SDK2: variants seen among roughly 807,000 people sequenced by gnomAD.
The protein encoded by SDK2 is protein sidekick-2.
In SDK2, 105 loss-of-function variants were observed where a neutral mutation model predicts 253.9. The observed-to-expected ratio is 0.41, with a 90% CI of 0.35 to 0.49. SDK2 has a LOEUF of 0.49. Ranked by LOEUF, SDK2 falls within the 20% of genes least tolerant of loss-of-function variation. The pLI is 0.06. For missense variants in SDK2, 2,608 were observed against 3,003.0 expected, an observed-to-expected ratio of 0.87 and a Z score of 3.07; for synonymous variants, 1,249 against 1,234.9, an observed-to-expected ratio of 1.01 and a Z score of -0.24.
intron 3 of SDK2, among the ~76,000 whole-genome samples, chr17:73,463,930 G>A (rs550385061): frequency 2.6e-5 from 4 of 152,270 alleles, no homozygotes; most frequent in South Asian, 2.1e-4. Flanking sequence ...TACTAATAAC[G>A]TTTGCATAAA....
chr17:73,502,931 C>CG (rs35718352), intron 2 of SDK2, among the ~76,000 whole-genome samples: 1 of 152,166 alleles, frequency 6.6e-6, no homozygotes, highest in Non-Finnish European at 1.5e-5. Flanking sequence ...TCACCAATAA[C>CG]GGGGCAAATT....
chr17:73,524,103 C>T (rs554718653), intron 1 of SDK2, among the ~76,000 whole-genome samples: 1 of 152,332 alleles, frequency 6.6e-6, no homozygotes, highest in South Asian at 2.1e-4. Context: ...CTGGCTACTT[C>T]TCCATGCTTG....
chr17:73,644,424 G>A lies in SDK2; in HGVS notation c.-336C>T, dbSNP rs1025581837. On this transcript the variant is annotated 5_prime_UTR_variant, in exon 1 of 45. Coordinates refer to ENST00000392650, the MANE Select transcript of SDK2 (RefSeq NM_001144952.2). This position sits in a 1 kb window ranked among gnomAD's most constrained non-coding sequence, Gnocchi z 6.3. Reference sequence around the variant, plus strand: ...AGGGCGGCCTCTGCGATCCGGCCGGGTCGCCGGCCGAGCTCCGGAATAAAT... The same window carrying A: ...AGGGCGGCCTCTGCGATCCGGCCGGATCGCCGGCCGAGCTCCGGAATAAAT... 3.3e-5 allele frequency among the ~76,000 whole-genome samples: 5 copies of A among 152,078 alleles called. No homozygotes were observed. Among genetic ancestry groups the A allele is most frequent in the Non-Finnish European group, 5.9e-5 (4 of 67,998 alleles).
At chr17:73,415,375 C>T (rs1265844552) in intron 17 of SDK2, among the ~76,000 whole-genome samples, 1 of 122,538 alleles carries the variant, frequency 8.2e-6, no homozygotes, top group Admixed American at 9.0e-5. Context: ...TTTTTTGAGA[C>T]AGAGTCTCAC....
At chr17:73,475,069 C>G (rs1038381406) in intron 2 of SDK2, among the ~76,000 whole-genome samples, 1 of 152,150 alleles carries the variant, frequency 6.6e-6, no homozygotes, top group African/African-American at 2.4e-5. Flanking sequence ...ATTGGTCCAG[C>G]CTTTGGGAAA....
At chr17:73,584,136 C>G (rs1412693780) in intron 1 of SDK2, among the ~76,000 whole-genome samples, 2 of 152,206 alleles carry the variant, frequency 1.3e-5, no homozygotes, top group Non-Finnish European at 2.9e-5. Flanking sequence ...CCCAGGCAGG[C>G]AAAACACCTC....
chr17:73,483,479 T>TGTGTG (rs2063740267), intron 2 of SDK2, among the ~76,000 whole-genome samples: 1 of 127,674 alleles, frequency 7.8e-6, no homozygotes, highest in East Asian at 2.2e-4. Flanking sequence ...TGGCTAATCT[T>TGTGTG]TGTGTGTGTG....
chr17:73,472,921 C>T (rs2063662541), intron 2 of SDK2, among the ~76,000 whole-genome samples: 1 of 152,214 alleles, frequency 6.6e-6, no homozygotes, highest in Non-Finnish European at 1.5e-5. Flanking sequence ...ATGTGATTTG[C>T]TCCTCCTTGC....
intron 1 of SDK2, among the ~76,000 whole-genome samples, chr17:73,565,051 G>A (rs1417791196): frequency 6.6e-6 from 1 of 152,124 alleles, no homozygotes; most frequent in African/African-American, 2.4e-5. Context: ...CCATATTTAT[G>A]GGTATTTGTT....
chr17:73,386,569 C>A, intron 30 of SDK2, 21 bp from the exon 31 acceptor site: 6 of 1,512,468 alleles, frequency 4.0e-6, no homozygotes, highest in Non-Finnish European at 5.4e-6. Context: ...AAATCAGGGC[C>A]AATGAGCCAA....
chr17:73,431,808 GTGGGGC>G lies in SDK2; in HGVS notation c.1313-145_1313-140del. ...CTGGAAGGAATGAGGACAGATGGCG[GTGGGGC>G]TGGGGTGGGGGCTGAGAGACCTGGA... is the stretch of plus-strand genomic sequence containing the variant. On this transcript the variant is annotated intron_variant, in intron 10 of 44. Transcript: ENST00000392650. The surrounding 1 kb of genome is among the most constrained non-coding windows in gnomAD (Gnocchi z 5.6). The G allele has an allele frequency of 1.1e-6, 1 of 934,200 alleles. No individual in the cohort carries two copies. Among genetic ancestry groups the G allele is most frequent in the Non-Finnish European group, 1.5e-6 (1 of 650,592 alleles). The allele number at this position is 934,200 out of a possible 1,614,324, so 57.9% of individuals were successfully genotyped here. A position where few individuals can be genotyped will look rare whatever the true frequency, so the allele number is the denominator to read the frequency against.
At chr17:73,478,238 G>A (rs1024399632) in intron 2 of SDK2, among the ~76,000 whole-genome samples, 4 of 152,178 alleles carry the variant, frequency 2.6e-5, no homozygotes, top group African/African-American at 9.7e-5. Flanking sequence ...TCTGCTCCTT[G>A]CTTTGTGCAA....
intron 1 of SDK2, among the ~76,000 whole-genome samples, chr17:73,621,243 C>T (rs2046129009): frequency 6.6e-6 from 1 of 152,226 alleles, no homozygotes; most frequent in Admixed American, 6.5e-5. Context: ...ATGTACTGAA[C>T]TGAGATTTGA....
chr17:73,615,664 C>T (rs2043917220), intron 1 of SDK2, among the ~76,000 whole-genome samples: 1 of 152,204 alleles, frequency 6.6e-6, no homozygotes, highest in Non-Finnish European at 1.5e-5. Flanking sequence ...ATAAAACTCT[C>T]AGCTAGGTGA....
chr17:73,376,411 G>C (rs2062781718), intron 36 of SDK2, among the ~76,000 whole-genome samples: 1 of 147,504 alleles, frequency 6.8e-6, no homozygotes, highest in South Asian at 2.2e-4. Context: ...GAATGTGCCT[G>C]CCACGCACCA....
intron 4 of SDK2, among the ~76,000 whole-genome samples, chr17:73,450,883 C>T (rs146024683): frequency 1.3e-5 from 2 of 152,320 alleles, no homozygotes; most frequent in Non-Finnish European, 2.9e-5. Flanking sequence ...ATGTCAAGAG[C>T]GCCATGCCTG....
chr17:73,605,043 C>T (rs1351879389), intron 1 of SDK2, among the ~76,000 whole-genome samples: 3 of 152,176 alleles, frequency 2.0e-5, no homozygotes, highest in Non-Finnish European at 4.4e-5. Context: ...CACCACTGGG[C>T]AAGGCCAACT....
intron 14 of SDK2, 93 bp downstream of exon 14, chr17:73,423,293 C>G: frequency 8.2e-7 from 1 of 1,221,418 alleles, no homozygotes. Context: ...AGGCCCAGAA[C>G]TAGGAAGCAG....
chr17:73,462,742 C>A (rs117635447), intron 3 of SDK2, among the ~76,000 whole-genome samples: 177 of 152,248 alleles, frequency 1.2e-3, no homozygotes, highest in Non-Finnish European at 2.2e-3. Context: ...TAGGGCACAG[C>A]TGGCCTTGGT....
Sources: gnomAD v4.1 joint callset for allele counts (sites outside exome capture counted in the v4.1 genomes callset) on GRCh38, gnomAD v4.1.1 for gene constraint, Gnocchi (gnomAD v3.1) non-coding constraint, MANE v1.5 for transcripts, NCBI Gene and HGNC (gene_info 2026-07-23, HGNC 2026-07-21) for gene names.